Variants in SLC75A1 observed in about 807,000 individuals in gnomAD.
SLC75A1 encodes the protein solute carrier family 75 member 1, also known as major facilitator superfamily domain containing 10.
At chr4:2,931,368 C>T in the SLC75A1 span, 1 of 1,547,934 alleles carries the variant, frequency 6.5e-7, no homozygotes, top group Non-Finnish European at 8.7e-7. Flanking sequence ...AGGGCAGGGC[C>T]ACTCACCAAA....
chr4:2,931,314 G>A, the SLC75A1 span: 2 of 1,547,990 alleles, frequency 1.3e-6, no homozygotes, highest in South Asian at 1.2e-5. Flanking sequence ...CAGCCCAGGG[G>A]AGGGTGCATC....
the SLC75A1 span, chr4:2,932,337 G>A: frequency 6.2e-7 from 1 of 1,609,884 alleles, no homozygotes; most frequent in Non-Finnish European, 8.5e-7. Context: ...GTGGGTCCCA[G>A]ACCACAGCCC....
the SLC75A1 span, chr4:2,931,676 G>C: frequency 6.2e-7 from 1 of 1,609,486 alleles, no homozygotes; most frequent in Non-Finnish European, 8.5e-7. Context: ...GGGAGCGGGT[G>C]TGTTAGTGCA....
the SLC75A1 span, chr4:2,933,761 G>C: frequency 6.3e-7 from 1 of 1,599,464 alleles, no homozygotes; most frequent in South Asian, 1.1e-5. Flanking sequence ...ACGTGGGCAC[G>C]GCCGTGGCTC....
At chr4:2,930,768 G>C in the SLC75A1 span, 2 of 1,523,826 alleles carry the variant, frequency 1.3e-6, no homozygotes, top group African/African-American at 1.4e-5. Flanking sequence ...GTGGGGGTCA[G>C]GCAGTGGGCA....
chr4:2,932,730 C>T, the SLC75A1 span: 1 of 1,588,702 alleles, frequency 6.3e-7, no homozygotes, highest in Non-Finnish European at 8.6e-7. Context: ...AGAGGTGGCC[C>T]AGACTGCATA....
chr4:2,931,792 G>C, the SLC75A1 span: 1 of 1,563,882 alleles, frequency 6.4e-7, no homozygotes. Context: ...TTATTTCAGG[G>C]AGACAGCAGG....
chr4:2,930,579 G>A, the SLC75A1 span: 15 of 556,972 alleles, frequency 2.7e-5, no homozygotes, highest in East Asian at 4.3e-4. Flanking sequence ...AAACAAACAG[G>A]TGCTTTATTT....
chr4:2,930,623 C>T, the SLC75A1 span: 1 of 594,854 alleles, frequency 1.7e-6, no homozygotes, highest in Non-Finnish European at 3.0e-6. Context: ...GTTTAAAAAA[C>T]AAACAGAAGC....
chr4:2,933,038 T>A, the SLC75A1 span: 21 of 1,487,068 alleles, frequency 1.4e-5, no homozygotes, highest in Non-Finnish European at 2.0e-5. Context: ...TCTCCCCACC[T>A]AACCCCATGG....
chr4:2,931,954 G>A, the SLC75A1 span: 97 of 1,602,586 alleles, frequency 6.1e-5, no homozygotes, highest in African/African-American at 8.1e-4. Flanking sequence ...GAGGTGGCGC[G>A]TGCTGAGAAG....
chr4:2,933,689 G>T, the SLC75A1 span: 1 of 1,612,706 alleles, frequency 6.2e-7, no homozygotes, highest in South Asian at 1.1e-5. Flanking sequence ...TCACGATAAG[G>T]GCTGGGGAGG....
At chr4:2,931,830 G>A in the SLC75A1 span, 1 of 1,600,744 alleles carries the variant, frequency 6.2e-7, no homozygotes, top group Non-Finnish European at 8.5e-7. Flanking sequence ...CCCACCTACT[G>A]AACTGGAAGC....
the SLC75A1 span, chr4:2,931,044 C>T: frequency 1.9e-6 from 3 of 1,608,886 alleles, no homozygotes; most frequent in South Asian, 3.3e-5. Flanking sequence ...TGCCCCAGCA[C>T]CATCCCGCGC....
At chr4:2,933,212 G>C in the SLC75A1 span, 2 of 1,613,308 alleles carry the variant, frequency 1.2e-6, no homozygotes, top group Non-Finnish European at 1.7e-6. Context: ...AATGAGACCT[G>C]AGAGACAGAT....
the SLC75A1 span, chr4:2,930,701 G>C: frequency 1.1e-6 from 1 of 911,274 alleles, no homozygotes; most frequent in Non-Finnish European, 1.6e-6. Flanking sequence ...GGAGCTGCCT[G>C]AGCTTCCTGC....
At chr4:2,934,545 AC>A in the SLC75A1 span, 1 of 17,008 alleles carries the variant, frequency 5.9e-5, no homozygotes, top group East Asian at 1.7e-3. Context: ...GCGCCCTCTA[AC>A]CCCCACGCCG....
chr4:2,931,042 C>T, the SLC75A1 span: 1 of 1,609,222 alleles, frequency 6.2e-7, no homozygotes, highest in Non-Finnish European at 8.5e-7. Flanking sequence ...CCTGCCCCAG[C>T]ACCATCCCGC....
the SLC75A1 span, chr4:2,933,023 C>T: frequency 1.4e-6 from 2 of 1,382,584 alleles, no homozygotes; most frequent in East Asian, 4.7e-5. Flanking sequence ...CCACAGCCAC[C>T]TCCCTCTCCC....
Sources: gnomAD v4.1 joint callset for allele counts on GRCh38, gnomAD v4.1.1 for gene constraint, MANE v1.5 for transcripts, NCBI Gene and HGNC (gene_info 2026-07-23, HGNC 2026-07-21) for gene names.